Variants in MYO10 observed in about 807,000 individuals in gnomAD.
The protein encoded by MYO10 is myosin X.
Under a neutral mutation model 257.3 loss-of-function variants are expected in MYO10, and 133 were observed. The observed-to-expected ratio is 0.52, with a 90% CI of 0.45 to 0.60. The LOEUF is 0.60. Among genes scored for constraint, MYO10 ranks in the 20% least tolerant of loss-of-function variants. The probability of loss-of-function intolerance (pLI) is 0.00; values close to 1 mark genes in which losing one functional copy is unlikely to be tolerated. For missense variants in MYO10, 2,399 were observed against 2,635.7 expected, an observed-to-expected ratio of 0.91 and a Z score of 1.97; for synonymous variants, 1,104 against 1,028.6, an observed-to-expected ratio of 1.07 and a Z score of -1.40.
At chr5:16,880,517 T>C (rs1241817690) in intron 1 of MYO10, among the ~76,000 whole-genome samples, 1 of 152,302 alleles carries the variant, frequency 6.6e-6, no homozygotes, top group East Asian at 1.9e-4. Context: ...CTAAGTTGTT[T>C]ACTCCATTCA....
intron 26 of MYO10, among the ~76,000 whole-genome samples, chr5:16,696,626 G>A (rs1206387707): frequency 1.5e-5 from 1 of 66,786 alleles, no homozygotes; most frequent in Non-Finnish European, 3.1e-5. Context: ...GGGAGGCTGA[G>A]GCGGGTGGAT....
intron 1 of MYO10, among the ~76,000 whole-genome samples, chr5:16,932,641 T>C (rs1746321588): frequency 6.6e-6 from 1 of 152,144 alleles, no homozygotes; most frequent in African/African-American, 2.4e-5. Context: ...AAACTGAAAC[T>C]GAGGAATGTG....
intron 21 of MYO10, among the ~76,000 whole-genome samples, chr5:16,705,859 T>C (rs1219897580): frequency 2.6e-5 from 4 of 152,104 alleles, no homozygotes; most frequent in Non-Finnish European, 5.9e-5. Context: ...CTCCTTATAA[T>C]ACAATTATTA....
rs1048631507 is a variant in MYO10 at position 16,936,211 on chromosome 5, G to A, written c.-403C>T. 6 of 210,048 alleles carry A rather than the reference G, an allele frequency of 2.9e-5. No individual in the cohort carries two copies. The highest frequency in any genetic ancestry group is 5.7e-5 in the Non-Finnish European group (6 of 105,272). The allele number at this position is 210,048 out of a possible 1,614,324, so 13.0% of individuals were successfully genotyped here. On this transcript the variant is annotated 5_prime_UTR_variant, in exon 1 of 41. Coordinates refer to ENST00000513610, the MANE Select transcript of MYO10 (RefSeq NM_012334.3). Reference sequence around the variant, plus strand: ...AGGACAGCGGGCCGCAAAGTGAGCAGGAGCCGCGATCCCCGCGCGAGCGCT... The same window carrying A: ...AGGACAGCGGGCCGCAAAGTGAGCAAGAGCCGCGATCCCCGCGCGAGCGCT...
At chr5:16,723,670 T>C (rs1739244935) in intron 19 of MYO10, among the ~76,000 whole-genome samples, 2 of 152,232 alleles carry the variant, frequency 1.3e-5, no homozygotes. Flanking sequence ...CATCAATGTT[T>C]ATAGGATCTT....
rs762663185 is a variant in MYO10, at chr5:16,694,549, G to A, written c.3622C>T (p.Arg1208Cys). ...VLKDETFLWF[R>C]SKQEALKQGW... ...TGCTTGAGGGCCTCCTGCTTGGAGCGGAACCACAAGAAGGTTTCATCCTTG... is the reference window on the plus strand; with the variant it reads ...TGCTTGAGGGCCTCCTGCTTGGAGCAGAACCACAAGAAGGTTTCATCCTTG... Residue 1208 changes from arginine to cysteine, a missense_variant, in exon 27 of 41, where the codon CGC becomes TGC. Arg to Cys is a radical substitution (Grantham distance 180, BLOSUM62 -3). Transcript: ENST00000513610. 14 of 1,613,844 alleles carry A rather than the reference G, an allele frequency of 8.7e-6. No homozygotes were observed. The highest frequency in any genetic ancestry group is 3.3e-4 in the Middle Eastern group (2 of 6,084).
chr5:16,816,982 G>T (rs1742636828), intron 3 of MYO10, among the ~76,000 whole-genome samples: 1 of 151,998 alleles, frequency 6.6e-6, no homozygotes, highest in Non-Finnish European at 1.5e-5. Context: ...ACCATGCCCA[G>T]CTAGTTTTTG....
At chr5:16,882,193 C>T (rs1744771806) in intron 1 of MYO10, among the ~76,000 whole-genome samples, 1 of 152,132 alleles carries the variant, frequency 6.6e-6, no homozygotes, top group African/African-American at 2.4e-5. Flanking sequence ...GAGGCAATAC[C>T]GTCCCTTTCT....
chr5:16,843,168 G>C (rs1000171509), intron 2 of MYO10, among the ~76,000 whole-genome samples: 1 of 152,032 alleles, frequency 6.6e-6, no homozygotes, highest in Non-Finnish European at 1.5e-5. Context: ...AGCTAGCCCG[G>C]TCCAGCACTG....
At chr5:16,805,389 G>T (rs147013971) in intron 3 of MYO10, among the ~76,000 whole-genome samples, 1 of 137,376 alleles carries the variant, frequency 7.3e-6, no homozygotes. Context: ...TTGAACCCAG[G>T]AAGCAGAGAT....
chr5:16,713,401 A>T, intron 19 of MYO10: 1 of 985,852 alleles, frequency 1.0e-6, no homozygotes, highest in Non-Finnish European at 1.2e-6. Context: ...ATGGAAAACA[A>T]CTGCCACACT....
At chr5:16,785,499 G>A (rs1465099743) in intron 4 of MYO10, among the ~76,000 whole-genome samples, 1 of 152,236 alleles carries the variant, frequency 6.6e-6, no homozygotes, top group African/African-American at 2.4e-5. Flanking sequence ...CCGAAACAAT[G>A]TTATGTGTTC....
chr5:16,765,961 CA>C, intron 11 of MYO10, 118 bp downstream of exon 11: 1 of 694,180 alleles, frequency 1.4e-6, no homozygotes, highest in Admixed American at 2.6e-5. Flanking sequence ...GTCATTTGAA[CA>C]GTTATTAATA....
At chr5:16,798,043 G>C (rs2126684715) in intron 3 of MYO10, among the ~76,000 whole-genome samples, 1 of 152,294 alleles carries the variant, frequency 6.6e-6, no homozygotes, top group South Asian at 2.1e-4. Context: ...TAATAAAAGA[G>C]TAAGTTCGAC....
At chr5:16,755,995 T>C (rs1291553960) in intron 18 of MYO10, among the ~76,000 whole-genome samples, 2 of 152,202 alleles carry the variant, frequency 1.3e-5, no homozygotes, top group African/African-American at 4.8e-5. Flanking sequence ...CTTAAACTAA[T>C]ATTAAAATGT....
At chr5:16,777,494 G>C (rs1579979431) in intron 9 of MYO10, among the ~76,000 whole-genome samples, 2 of 152,284 alleles carry the variant, frequency 1.3e-5, no homozygotes, top group African/African-American at 4.8e-5. Flanking sequence ...CAATGAAAAG[G>C]AAAACAGAAT....
At chr5:16,874,356 G>A (rs1435502451) in intron 2 of MYO10, among the ~76,000 whole-genome samples, 2 of 101,404 alleles carry the variant, frequency 2.0e-5, no homozygotes, top group African/African-American at 6.8e-5. Context: ...GGGGGGGGGG[G>A]GGGTTTCTTT....
At chr5:16,891,383 A>G (rs562955898) in intron 1 of MYO10, among the ~76,000 whole-genome samples, 55 of 100,132 alleles carry the variant, frequency 5.5e-4, no homozygotes, top group Admixed American at 2.9e-3. Flanking sequence ...AAGGAAGGAG[A>G]GAGAGAGGAA....
intron 2 of MYO10, among the ~76,000 whole-genome samples, chr5:16,875,910 C>A (rs752738257): frequency 6.6e-6 from 1 of 152,136 alleles, no homozygotes; most frequent in Non-Finnish European, 1.5e-5. Flanking sequence ...GAGTTCAAGA[C>A]CAGCCTGGCC....
Sources: gnomAD v4.1 joint callset for allele counts (sites outside exome capture counted in the v4.1 genomes callset) on GRCh38, gnomAD v4.1.1 for gene constraint, MANE v1.5 for transcripts, NCBI Gene and HGNC (gene_info 2026-07-23, HGNC 2026-07-21) for gene names.